Variants in REC114 observed in about 807,000 individuals in gnomAD.
REC114 encodes the protein REC114 meiotic recombination protein.
Under a neutral mutation model 31.3 loss-of-function variants are expected in REC114, and 27 were observed. The ratio of observed to expected loss-of-function variants is 0.86; its 90% confidence interval spans 0.64 to 1.19. The LOEUF (loss-of-function observed/expected upper bound fraction) is 1.19, where lower values mean the gene tolerates loss of function less well. REC114 is among the 50% of genes most tolerant of loss of function. The pLI is 0.00. For missense variants in REC114, 344 were observed against 326.9 expected (o/e 1.05, Z -0.40); for synonymous variants, 134 against 127.7 (o/e 1.05, Z -0.33).
At chr15:73,489,747 G>GAA (rs569484022) in intron 2 of REC114, among the ~76,000 whole-genome samples, 16 of 138,700 alleles carry the variant, frequency 1.2e-4, no homozygotes, top group African/African-American at 3.1e-4. Context: ...GGCTACTCCA[G>GAA]AAAAAAAAAA....
chr15:73,513,812 C>G (rs1893814783), intron 2 of REC114, among the ~76,000 whole-genome samples: 1 of 151,590 alleles, frequency 6.6e-6, no homozygotes, highest in South Asian at 2.1e-4. Context: ...TCTCAGATCT[C>G]CAGCTGCGTG....
intron 2 of REC114, among the ~76,000 whole-genome samples, chr15:73,502,257 GA>G (rs1050223479): frequency 8.2e-4 from 123 of 150,694 alleles, no homozygotes; most frequent in Admixed American, 1.1e-3. Flanking sequence ...ACATCTTATA[GA>G]AAAAAAAATA....
chr15:73,475,867 C>G (rs776462680), intron 2 of REC114, among the ~76,000 whole-genome samples: 1 of 152,164 alleles, frequency 6.6e-6, no homozygotes, highest in Non-Finnish European at 1.5e-5. Flanking sequence ...TCACCCAGAG[C>G]AATTTTCACC....
chr15:73,477,354 T>A (rs1251121766), intron 2 of REC114, among the ~76,000 whole-genome samples: 1 of 152,216 alleles, frequency 6.6e-6, no homozygotes, highest in Non-Finnish European at 1.5e-5. Context: ...AGTTCAATAT[T>A]TTTTTCTCTT....
intron 2 of REC114, among the ~76,000 whole-genome samples, chr15:73,527,402 C>T (rs942073372): frequency 1.3e-5 from 2 of 152,198 alleles, no homozygotes; most frequent in Non-Finnish European, 2.9e-5. Context: ...AAAACTGCAG[C>T]ATCTTGGCCT....
At chr15:73,452,562 A>G (rs1397200152) in intron 1 of REC114, among the ~76,000 whole-genome samples, 1 of 152,202 alleles carries the variant, frequency 6.6e-6, no homozygotes, top group East Asian at 1.9e-4. Flanking sequence ...ATTCTGCCCC[A>G]AGTAATTTAC....
chr15:73,556,096 C>T (rs531390352), intron 4 of REC114, among the ~76,000 whole-genome samples: 37 of 152,282 alleles, frequency 2.4e-4, no homozygotes, highest in African/African-American at 7.2e-4. Context: ...GGTCAGGAGC[C>T]GCAAATTTAA....
chr15:73,494,565 T>C (rs1893491732), intron 2 of REC114, among the ~76,000 whole-genome samples: 1 of 152,180 alleles, frequency 6.6e-6, no homozygotes, highest in African/African-American at 2.4e-5. Flanking sequence ...TTTTCTTTTT[T>C]TCTAAAATGC....
chr15:73,529,674 T>C (rs77525826), intron 2 of REC114, among the ~76,000 whole-genome samples: 5,005 of 152,286 alleles, frequency 0.033, 306 homozygotes, highest in African/African-American at 0.11. Context: ...ATCAGTTATT[T>C]CAAAATAAGT....
intron 2 of REC114, among the ~76,000 whole-genome samples, chr15:73,514,402 T>C (rs982837671): frequency 6.6e-6 from 1 of 152,030 alleles, no homozygotes; most frequent in Admixed American, 6.6e-5. Context: ...ATCACCCGTC[T>C]TCTGCGTCGC....
intron 1 of REC114, among the ~76,000 whole-genome samples, chr15:73,445,778 G>T (rs1184981325): frequency 6.6e-6 from 1 of 152,070 alleles, no homozygotes; most frequent in Non-Finnish European, 1.5e-5. Flanking sequence ...TATGGGCATG[G>T]TTTGTGGCAC....
intron 2 of REC114, among the ~76,000 whole-genome samples, chr15:73,502,832 C>G (rs1893620863): frequency 6.6e-6 from 1 of 152,142 alleles, no homozygotes; most frequent in Non-Finnish European, 1.5e-5. Flanking sequence ...CTGGCACATT[C>G]TTTAGAATCC....
chr15:73,533,499 T>C, intron 2 of REC114, among the ~76,000 whole-genome samples: 1 of 151,200 alleles, frequency 6.6e-6, no homozygotes, highest in Non-Finnish European at 1.5e-5. Context: ...ATCCTAAATA[T>C]ATATGCACCC....
At chr15:73,526,244 G>A (rs188405124) in intron 2 of REC114, among the ~76,000 whole-genome samples, 66 of 152,040 alleles carry the variant, frequency 4.3e-4, no homozygotes, top group African/African-American at 1.2e-3. Flanking sequence ...ATAGAATATC[G>A]TCTGATCTTG....
intron 4 of REC114, among the ~76,000 whole-genome samples, chr15:73,553,178 T>C (rs189335532): frequency 6.6e-6 from 1 of 152,326 alleles, no homozygotes; most frequent in East Asian, 1.9e-4. Flanking sequence ...TTATTTATTA[T>C]ACAATCTTTT....
chr15:73,459,762 T>G (rs574686399), intron 1 of REC114, among the ~76,000 whole-genome samples: 41 of 152,356 alleles, frequency 2.7e-4, no homozygotes, highest in Non-Finnish European at 5.6e-4. Flanking sequence ...ATGATTCATC[T>G]TATTCTTTTT....
intron 2 of REC114, among the ~76,000 whole-genome samples, chr15:73,509,588 A>G (rs373022213): frequency 1.4e-5 from 2 of 145,284 alleles, no homozygotes; most frequent in Non-Finnish European, 3.0e-5. Context: ...TAACGTTTAA[A>G]TCTTTAATCC....
chr15:73,497,112 C>T (rs1270082502), intron 2 of REC114, among the ~76,000 whole-genome samples: 4 of 152,084 alleles, frequency 2.6e-5, no homozygotes, highest in Non-Finnish European at 5.9e-5. Context: ...TGCCAGTTTG[C>T]TCCATTGTAG....
chr15:73,466,339 G>C (rs536372193), intron 1 of REC114, among the ~76,000 whole-genome samples: 4 of 152,020 alleles, frequency 2.6e-5, no homozygotes, highest in African/African-American at 9.6e-5. Context: ...TGGATCACGA[G>C]GTCAGGAGTT....
Sources: gnomAD v4.1 joint callset for allele counts (sites outside exome capture counted in the v4.1 genomes callset) on GRCh38, gnomAD v4.1.1 for gene constraint, MANE v1.5 for transcripts, NCBI Gene and HGNC (gene_info 2026-07-23, HGNC 2026-07-21) for gene names.